Variants in NRG3 observed in about 807,000 individuals in gnomAD.
NRG3 encodes neuregulin 3.
Under a neutral mutation model 66.9 loss-of-function variants are expected in NRG3, and 31 were observed. The observed-to-expected ratio is 0.46, with a 90% CI of 0.35 to 0.63. The LOEUF (loss-of-function observed/expected upper bound fraction) is 0.63. Among genes scored for constraint, NRG3 ranks in the 20% least tolerant of loss-of-function variants. The probability of loss-of-function intolerance (pLI) is 0.00; values close to 1 mark genes in which losing one functional copy is unlikely to be tolerated. For missense variants in NRG3, 910 were observed against 878.9 expected (o/e 1.04, Z -0.45); for synonymous variants, 393 against 359.4 (o/e 1.09, Z -1.06).
chr10:81,901,130 C>T (rs1844031327), intron 1 of NRG3, among the ~76,000 whole-genome samples: 1 of 152,128 alleles, frequency 6.6e-6, no homozygotes, highest in South Asian at 2.1e-4. Context: ...AGGGAAGGTA[C>T]AGTGTGGAAT....
intron 2 of NRG3, among the ~76,000 whole-genome samples, chr10:82,434,601 A>C (rs1266432211): frequency 6.6e-6 from 1 of 151,994 alleles, no homozygotes; most frequent in African/African-American, 2.4e-5. Context: ...AATAGCTTTT[A>C]TTATTTTGAG....
intron 1 of NRG3, among the ~76,000 whole-genome samples, chr10:82,301,286 C>A (rs944725825): frequency 6.6e-6 from 1 of 152,120 alleles, no homozygotes; most frequent in Non-Finnish European, 1.5e-5. Context: ...TTATGCATTC[C>A]TGCATTCTTA....
intron 2 of NRG3, among the ~76,000 whole-genome samples, chr10:82,583,514 G>T (rs2046484542): frequency 6.6e-6 from 1 of 152,136 alleles, no homozygotes; most frequent in African/African-American, 2.4e-5. Context: ...TTAAGTATTT[G>T]GTACTGTGTT....
At chr10:82,873,203 A>T (rs1468963481) in intron 4 of NRG3, among the ~76,000 whole-genome samples, 1 of 152,206 alleles carries the variant, frequency 6.6e-6, no homozygotes, top group African/African-American at 2.4e-5. Context: ...GTTAAAAAAT[A>T]AAGTTAACTG....
At chr10:82,334,136 C>CAAAAAAAAAA (rs34320765) in intron 1 of NRG3, among the ~76,000 whole-genome samples, 1 of 89,906 alleles carries the variant, frequency 1.1e-5, no homozygotes, top group East Asian at 2.6e-4. Flanking sequence ...CATGGCGTCT[C>CAAAAAAAAAA]AAAAAAAAAA....
chr10:81,944,924 A>AT (rs1343540080), intron 1 of NRG3, among the ~76,000 whole-genome samples: 5 of 152,028 alleles, frequency 3.3e-5, no homozygotes, highest in African/African-American at 1.2e-4. Context: ...TTATTTTTGC[A>AT]TTTTAACCCT....
chr10:82,447,783 T>C (rs1314348089), intron 2 of NRG3, among the ~76,000 whole-genome samples: 1 of 152,202 alleles, frequency 6.6e-6, no homozygotes, highest in African/African-American at 2.4e-5. Flanking sequence ...GAGGCTCCTC[T>C]GCATGTGGTA....
At chr10:82,758,318 G>A (rs949471613) in intron 3 of NRG3, among the ~76,000 whole-genome samples, 3 of 151,976 alleles carry the variant, frequency 2.0e-5, no homozygotes, top group African/African-American at 7.2e-5. Flanking sequence ...AGCATTTTAG[G>A]ACTTAAAATA....
chr10:82,770,841 A>G (rs1274576555), intron 3 of NRG3, among the ~76,000 whole-genome samples: 1 of 152,032 alleles, frequency 6.6e-6, no homozygotes, highest in African/African-American at 2.4e-5. Context: ...GGAACAGAAT[A>G]CTCAGGAGCT....
chr10:82,416,397 A>C (rs927250491), intron 2 of NRG3, among the ~76,000 whole-genome samples: 9 of 152,172 alleles, frequency 5.9e-5, no homozygotes, highest in African/African-American at 2.2e-4. Context: ...AAGAAATTAC[A>C]GTCCATTTGT....
Position 82,985,760 on chromosome 10 carries a change from A to C in NRG3, c.*155A>C, listed in dbSNP as rs1853389810. 1 of 820,526 alleles carries C rather than the reference A, an allele frequency of 1.2e-6. No individual in the cohort carries two copies. The highest frequency in any genetic ancestry group is 1.9e-6 in the Non-Finnish European group (1 of 537,014). 50.8% of individuals were successfully genotyped at this position (820,526 alleles called of 1,614,324 possible). A position where few individuals can be genotyped will look rare whatever the true frequency, so the allele number is the denominator to read the frequency against. ...ATATCATAGTGTTTTTTAACAAAAT[A>C]TTTTTTTAAGGGAAAGAAATGTTTC... is the stretch of plus-strand genomic sequence containing the variant. On this transcript the variant is annotated 3_prime_UTR_variant, in exon 9 of 9. Coordinates refer to ENST00000372141, the MANE Select transcript of NRG3 (RefSeq NM_001010848.4).
At chr10:82,329,124 GA>G (rs1031291469) in intron 1 of NRG3, among the ~76,000 whole-genome samples, 2 of 152,194 alleles carry the variant, frequency 1.3e-5, no homozygotes, top group African/African-American at 4.8e-5. Flanking sequence ...GAGCATGGAA[GA>G]AAATATTAAC....
chr10:82,790,762 A>G (rs1165830143), intron 3 of NRG3, among the ~76,000 whole-genome samples: 1 of 151,452 alleles, frequency 6.6e-6, no homozygotes, highest in Non-Finnish European at 1.5e-5. Flanking sequence ...GTTCCCTTTT[A>G]TTTATCTTTT....
chr10:82,901,807 A>C lies in NRG3; in HGVS notation c.1054+36370A>C, dbSNP rs1844247421. ...CACAAATCCACATTCTGTGTTATTC[A>C]GGTACCTAACATCAATCCTCCTGGT... On this transcript the variant is annotated intron_variant, in intron 4 of 8. Transcript: ENST00000372141. Among the ~76,000 whole-genome samples the C allele has an allele frequency of 2.6e-5, 4 of 152,192 alleles. No individual in the cohort carries two copies. In the South Asian group the frequency reaches 8.3e-4, roughly 31 times the overall value.
At chr10:82,186,922 G>C (rs2073843786) in intron 1 of NRG3, among the ~76,000 whole-genome samples, 1 of 151,966 alleles carries the variant, frequency 6.6e-6, no homozygotes. Context: ...GCATATGCAG[G>C]GAAAATGATC....
intron 2 of NRG3, among the ~76,000 whole-genome samples, chr10:82,391,815 A>G (rs1370651656): frequency 2.0e-5 from 3 of 152,102 alleles, no homozygotes; most frequent in Non-Finnish European, 2.9e-5. Flanking sequence ...TAGACCTTAC[A>G]TAATACACAC....
intron 2 of NRG3, among the ~76,000 whole-genome samples, chr10:82,401,366 T>C (rs2087091492): frequency 6.7e-6 from 1 of 149,048 alleles, no homozygotes; most frequent in Non-Finnish European, 1.5e-5. Context: ...TATGAATATG[T>C]ATGTGTATAT....
chr10:82,773,590 T>C, intron 3 of NRG3, among the ~76,000 whole-genome samples: 1 of 152,216 alleles, frequency 6.6e-6, no homozygotes, highest in East Asian at 1.9e-4. Context: ...TTTAGTTTAA[T>C]ATAGATCCAT....
intron 2 of NRG3, among the ~76,000 whole-genome samples, chr10:82,407,543 G>A (rs2087614396): frequency 6.6e-6 from 1 of 152,136 alleles, no homozygotes; most frequent in Admixed American, 6.6e-5. Flanking sequence ...CATAAAGAAG[G>A]TGTGAAGAGA....
Sources: allele counts gnomAD v4.1 joint callset (sites outside exome capture counted in the v4.1 genomes callset), GRCh38; gene constraint gnomAD v4.1.1; transcripts MANE v1.5; gene names NCBI Gene and HGNC (gene_info 2026-07-23, HGNC 2026-07-21).